The following PCDHGB7 variants were observed in gnomAD, a reference collection of about 807,000 sequenced individuals.
The protein encoded by PCDHGB7 is protocadherin gamma-B7.
A neutral mutation model predicts 61.4 loss-of-function variants in PCDHGB7; 37 were observed. That is an observed-to-expected ratio of 0.60 (90% CI 0.46 to 0.79). The LOEUF is 0.79. Among genes scored for constraint, PCDHGB7 ranks in the 30% least tolerant of loss-of-function variants. The pLI is 0.00. For missense variants in PCDHGB7, 1,166 were observed against 1,202.5 expected (o/e 0.97, Z 0.45); for synonymous variants, 464 against 503.5 (o/e 0.92, Z 1.05).
rs79464787 is a variant in PCDHGB7, at chr5:141,480,455, T to C, written c.2416-14352T>C. Among the ~76,000 whole-genome samples the C allele has an allele frequency of 7.4e-3, 1,134 of 152,274 alleles. 17 individuals are homozygous for C. The highest frequency in any genetic ancestry group is 0.026 in the African/African-American group (1,086 of 41,548). ...CAGCTATTACTATAATTATTTTTAT[T>C]AGTTCCTCACTCACCTAAAATCTCA... On this transcript the variant is annotated intron_variant, in intron 1 of 3. Transcript: ENST00000398594.
chr5:141,474,325 C>A (rs540113771), intron 1 of PCDHGB7, among the ~76,000 whole-genome samples: 1 of 152,256 alleles, frequency 6.6e-6, no homozygotes, highest in Admixed American at 6.5e-5. Context: ...TTTCAAATCA[C>A]CCTGATGTTT....
At chr5:141,424,945 C>A (rs2096849463) in intron 1 of PCDHGB7, among the ~76,000 whole-genome samples, 1 of 152,186 alleles carries the variant, frequency 6.6e-6, no homozygotes, top group Admixed American at 6.5e-5. Flanking sequence ...TCTCACATCA[C>A]TTCTAGGTAT....
At chr5:141,479,936 T>C (rs532302710) in intron 1 of PCDHGB7, among the ~76,000 whole-genome samples, 97 of 152,340 alleles carry the variant, frequency 6.4e-4, no homozygotes, top group African/African-American at 2.2e-3. Flanking sequence ...ATCATTGCTA[T>C]CAACTCTTGG....
intron 1 of PCDHGB7, among the ~76,000 whole-genome samples, chr5:141,424,906 A>T (rs1417615946): frequency 5.9e-5 from 9 of 152,212 alleles, no homozygotes. Context: ...GATCACAGGA[A>T]TCATTTCCAT....
In PCDHGB7 at chr5:141,418,047, C is replaced by G. The variant is rs968352679; in HGVS notation, c.188C>G (p.Ala63Gly). The G allele has an allele frequency of 6.2e-6, 10 of 1,613,894 alleles. No individual in the cohort carries two copies. The highest frequency in any genetic ancestry group is 1.6e-4 in the Middle Eastern group (1 of 6,076). ...GGGCTTAGTGTCCTGGATGTGTCGG[C>G]TCGCGAGCTGCGAGTGAGCGCGGAG... ...DLGLSVLDVS[A>G]RELRVSAEKL... is the part of the protein sequence containing the mutation. Residue 63 changes from alanine (A) to glycine (G), a missense_variant, in exon 1 of 4, where the codon GCT becomes GGT. Transcript: ENST00000398594.
At chr5:141,479,862 C>T (rs2099508997) in intron 1 of PCDHGB7, among the ~76,000 whole-genome samples, 1 of 152,170 alleles carries the variant, frequency 6.6e-6, no homozygotes, top group Non-Finnish European at 1.5e-5. Flanking sequence ...GGCCTTTGCC[C>T]TGGAGAGAAC....
chr5:141,506,737 C>T (rs893758261), intron 3 of PCDHGB7, among the ~76,000 whole-genome samples: 5 of 152,076 alleles, frequency 3.3e-5, no homozygotes, highest in African/African-American at 1.2e-4. Flanking sequence ...AGAATAATGC[C>T]TATTAATAAA....
At chr5:141,507,450 CAG>C (rs940460926) in intron 3 of PCDHGB7, among the ~76,000 whole-genome samples, 3 of 152,168 alleles carry the variant, frequency 2.0e-5, no homozygotes, top group African/African-American at 7.2e-5. Flanking sequence ...GACGGAAGGA[CAG>C]AGAGAGAGGT....
intron 1 of PCDHGB7, among the ~76,000 whole-genome samples, chr5:141,436,594 G>T (rs79477223): frequency 0.052 from 7,980 of 152,210 alleles, 223 homozygotes; most frequent in South Asian, 0.079. Flanking sequence ...AAAGGTCGTG[G>T]TGATGGCTAG....
At chr5:141,430,991 A>T (rs2097333608) in intron 1 of PCDHGB7, 1 of 1,613,980 alleles carries the variant, frequency 6.2e-7, no homozygotes, top group African/African-American at 1.3e-5. Context: ...TTTCGCCCTG[A>T]ATCCGCGCAG....
intron 1 of PCDHGB7, among the ~76,000 whole-genome samples, chr5:141,460,447 A>G (rs1202218653): frequency 6.6e-6 from 1 of 152,170 alleles, no homozygotes; most frequent in Non-Finnish European, 1.5e-5. Context: ...GTAACAATGA[A>G]GATTCATATT....
At position 141,429,997 on chromosome 5, in the gene PCDHGB7, G is replaced by A. The variant is rs536289272; in HGVS notation, c.2415+9723G>A. Among the ~76,000 whole-genome samples, 3 of 152,240 alleles carry A rather than the reference G, an allele frequency of 2.0e-5. No homozygotes were observed. The East Asian group carries it at 5.8e-4, about 29-fold the overall frequency. On this transcript the variant is annotated intron_variant, in intron 1 of 3. Transcript: ENST00000398594. ...TCTACTTTATGCTAAAAATATTAAT[G>A]TTTCTTTTTCACTTGGGTTCTTGTT... is the stretch of plus-strand genomic sequence containing the variant.
chr5:141,481,312 T>C (rs953898526), intron 1 of PCDHGB7, among the ~76,000 whole-genome samples: 1 of 152,200 alleles, frequency 6.6e-6, no homozygotes, highest in Non-Finnish European at 1.5e-5. Flanking sequence ...AAAACCTTCC[T>C]AAAGCACTAG....
rs1297208780 is a variant in PCDHGB7 at position 141,486,613 on chromosome 5, T to C, written c.2416-8194T>C. 2 of 1,613,658 alleles carry C rather than the reference T, an allele frequency of 1.2e-6. No individual in the cohort carries two copies. The highest frequency in any genetic ancestry group is 2.7e-5 in the African/African-American group (2 of 75,074). On this transcript the variant is annotated intron_variant, in intron 1 of 3. Coordinates refer to ENST00000398594, the MANE Select transcript of PCDHGB7 (RefSeq NM_018927.4). The surrounding 1 kb of genome is among the most constrained non-coding windows in gnomAD (Gnocchi z 5.0). ...ACCTGCTTTGCTCCCTTGCAGCCTC[T>C]GACCCAGACTCTGGCTTGAATGCGC...
chr5:141,433,365 A>G (rs1347170890), intron 1 of PCDHGB7: 7 of 523,718 alleles, frequency 1.3e-5, no homozygotes, highest in Non-Finnish European at 2.4e-5. Context: ...CTGCCTATCT[A>G]TCTATCTATC....
At chr5:141,503,804 G>A (rs2099831736) in intron 2 of PCDHGB7, among the ~76,000 whole-genome samples, 1 of 152,034 alleles carries the variant, frequency 6.6e-6, no homozygotes, top group South Asian at 2.1e-4. Flanking sequence ...TAGGGACGGG[G>A]AATCCCAGAT....
intron 1 of PCDHGB7, chr5:141,427,798 T>C: frequency 6.6e-7 from 1 of 1,506,550 alleles, no homozygotes; most frequent in South Asian, 1.1e-5. Flanking sequence ...TACGTGTCCG[T>C]GAGCGCACAG....
Position 141,432,831 on chromosome 5 carries a change from T to C in PCDHGB7, c.2415+12557T>C. 1 of 1,614,206 alleles carries C rather than the reference T, an allele frequency of 6.2e-7. No individual in the cohort carries two copies. Among genetic ancestry groups the C allele is most frequent in the Non-Finnish European group, 8.5e-7 (1 of 1,180,006 alleles). ...AACTCTGAAACCTCAGACCTCACTC[T>C]GTACCTGGTGGTAGCGGTGGCCGCG... On this transcript the variant is annotated intron_variant, in intron 1 of 3. Coordinates refer to ENST00000398594, the MANE Select transcript of PCDHGB7 (RefSeq NM_018927.4). The surrounding 1 kb of genome is among the most constrained non-coding windows in gnomAD (Gnocchi z 6.0).
chr5:141,454,228 T>C (rs6896225), intron 1 of PCDHGB7, among the ~76,000 whole-genome samples: 1,935 of 152,208 alleles, frequency 0.013, 54 homozygotes, highest in African/African-American at 0.044. Flanking sequence ...AAAGTAATTG[T>C]GATGAAAAGG....
Sources: gnomAD v4.1 joint callset for allele counts (sites outside exome capture counted in the v4.1 genomes callset) on GRCh38, gnomAD v4.1.1 for gene constraint, Gnocchi (gnomAD v3.1) non-coding constraint, MANE v1.5 for transcripts, NCBI Gene and HGNC (gene_info 2026-07-23, HGNC 2026-07-21) for gene names.